PFKL: variants seen among roughly 807,000 people sequenced by gnomAD.
PFKL encodes phosphofructokinase, liver type, also known as ATP-dependent 6-phosphofructokinase, liver type.
A neutral mutation model predicts 92.1 loss-of-function variants in PFKL; 74 were observed. The ratio of observed to expected loss-of-function variants is 0.80; its 90% CI spans 0.67 to 0.97. PFKL has a LOEUF of 0.97. Ranked by LOEUF, PFKL falls within the 50% of genes least tolerant of loss-of-function variation. PFKL has a pLI of 0.00. For missense variants in PFKL, 1,028 were observed against 1,116.6 expected (o/e 0.92, Z 1.13); for synonymous variants, 494 against 456.4 (o/e 1.08, Z -1.05).
At chr21:44,323,375 G>A (rs1200690828) in intron 15 of PFKL, among the ~76,000 whole-genome samples, 2 of 152,206 alleles carry the variant, frequency 1.3e-5, no homozygotes, top group South Asian at 2.1e-4. Flanking sequence ...GCTGGAGGAC[G>A]AGAAAGAAGG....
At chr21:44,306,058 G>C (rs1293033366) in intron 1 of PFKL, 10 of 493,084 alleles carry the variant, frequency 2.0e-5, no homozygotes, top group African/African-American at 1.8e-4. Flanking sequence ...CTTCCAGCAG[G>C]TGCTTTCCTC....
In PFKL at chr21:44,323,038, G is replaced by A. The variant is rs778878644; in HGVS notation, c.1486G>A (p.Gly496Ser). ...TGGTATTCACGCCCTGCTGGTGGTC[G>A]GTGGGTTTGAGGTGAGAGCTGCCCA... is the stretch of plus-strand genomic sequence containing the variant. ...IYGIHALLVV[G>S]GFEAYEGVLQ... The change falls in exon 15 of 22, where the codon GGT becomes AGT. Residue 496 changes from glycine to serine, a missense_variant. Physicochemically the swap from Gly to Ser is moderately conservative, Grantham distance 56. Coordinates refer to ENST00000349048, the MANE Select transcript of PFKL (RefSeq NM_002626.6). 12 of 1,612,828 alleles carry A rather than the reference G, an allele frequency of 7.4e-6. No homozygotes were observed. Among genetic ancestry groups the A allele is most frequent in the South Asian group, 3.3e-5 (3 of 91,052 alleles).
At position 44,313,059 on chromosome 21, in the gene PFKL, G is replaced by A. The variant is rs900209736; in HGVS notation, c.509G>A (p.Cys170Tyr). 1 of 1,613,048 alleles carries A rather than the reference G, an allele frequency of 6.2e-7. No individual in the cohort carries two copies. The highest frequency in any genetic ancestry group is 1.3e-5 in the African/African-American group (1 of 74,912). ...GTGGGCTCCATCGATAACGACTTCT[G>A]CGGCACCGACATGACCATCGGCACG... ...GLVGSIDNDF[C>Y]GTDMTIGTDS... is the part of the protein sequence containing the mutation. The change falls in exon 5 of 22, where the codon TGC (cysteine) becomes TAC (tyrosine). Residue 170 changes from cysteine to tyrosine, a missense_variant. Cys to Tyr is a radical substitution (Grantham distance 194). Transcript: ENST00000349048.
At position 44,319,248 on chromosome 21, in the gene PFKL, A is replaced by G. The variant is rs536242712; in HGVS notation, c.1063-103A>G. ...GCCAGGCCTGGGCCAGGGTCAGGAG[A>G]TGCCGGCCAGATCTGCCCTCGTCAG... is the stretch of plus-strand genomic sequence containing the variant. On this transcript the variant is annotated intron_variant, in intron 10 of 21. Transcript: ENST00000349048. The G allele has an allele frequency of 1.1e-5, 11 of 971,576 alleles. No homozygotes were observed. In the African/African-American group the frequency reaches 1.6e-4, roughly 14 times the overall value. 60.2% of individuals were successfully genotyped at this position (971,576 alleles called of 1,614,324 possible).
At chr21:44,323,190 T>G (rs1052460395) in intron 15 of PFKL, 141 bp downstream of exon 15, 2 of 639,574 alleles carry the variant, frequency 3.1e-6, no homozygotes, top group Non-Finnish European at 5.3e-6. Flanking sequence ...AAGTGCTGTG[T>G]GTGGGCTCGG....
intron 7 of PFKL, 99 bp from the exon 8 acceptor site, chr21:44,316,145 G>T: frequency 1.9e-6 from 2 of 1,063,286 alleles, no homozygotes; most frequent in Non-Finnish European, 2.9e-6. Flanking sequence ...CATGTGGGTT[G>T]GGAATGGTGG....
At chr21:44,308,893 G>C (rs1047035646) in intron 2 of PFKL, among the ~76,000 whole-genome samples, 1 of 152,158 alleles carries the variant, frequency 6.6e-6, no homozygotes, top group Non-Finnish European at 1.5e-5. Context: ...CAATGGGCTT[G>C]GACAGCATCT....
Position 44,326,712 on chromosome 21 carries a change from C to G in PFKL, c.2196-3C>G. ...ATCATCCTCCCATCCCCGTCCTGCA[C>G]AGGCACCGCATGCCACGGGAGCAGT... is the stretch of plus-strand genomic sequence containing the variant. On this transcript the variant is annotated splice_region_variant and splice_polypyrimidine_tract_variant and intron_variant, in intron 21 of 21. Coordinates refer to ENST00000349048, the MANE Select transcript of PFKL (RefSeq NM_002626.6). The G allele has an allele frequency of 6.2e-7, 1 of 1,611,620 alleles. No individual in the cohort carries two copies. The highest frequency in any genetic ancestry group is 8.5e-7 in the Non-Finnish European group (1 of 1,179,412).
At chr21:44,316,684 C>T (rs865960506) in intron 9 of PFKL, among the ~76,000 whole-genome samples, 160 bp downstream of exon 9, 2 of 151,364 alleles carry the variant, frequency 1.3e-5, no homozygotes, top group Admixed American at 6.6e-5. Flanking sequence ...GTGGGGGACG[C>T]GTGGTCCTTG....
chr21:44,306,966 G>T (rs1394306529), intron 2 of PFKL, among the ~76,000 whole-genome samples: 1 of 152,208 alleles, frequency 6.6e-6, no homozygotes, highest in Non-Finnish European at 1.5e-5. Context: ...ACTCAGCCCG[G>T]CTGGAGGCTC....
In PFKL at chr21:44,312,236, A is replaced by T; in HGVS notation, c.369A>T (p.Thr123=). 6.2e-7 allele frequency: 1 copy of T among 1,600,418 alleles called. No homozygotes were observed. Among genetic ancestry groups the T allele is most frequent in the South Asian group, 1.1e-5 (1 of 88,980 alleles). Residue 123 remains threonine (T), a synonymous_variant, in exon 4 of 22, where the codon ACA becomes ACT. Coordinates refer to ENST00000349048, the MANE Select transcript of PFKL (RefSeq NM_002626.6). ...LCVIGGDGSL[T]GANIFRSEWG... ...TCATCGGCGGGGATGGCAGCCTCAC[A>T]GGTGCCAACATCTTCCGCAGCGAGT...
At chr21:44,326,334 T>C in intron 21 of PFKL, 70 bp downstream of exon 21, 1 of 1,184,058 alleles carries the variant, frequency 8.4e-7, no homozygotes, top group South Asian at 1.3e-5. Flanking sequence ...CTGAGGCAGG[T>C]GTGCCAGGCC....
chr21:44,325,207 A>G lies in PFKL; in HGVS notation c.1932A>G (p.Ser644=), dbSNP rs2047469242. Residue 644 remains serine, a synonymous_variant, in exon 19 of 22, where the codon TCA becomes TCG. Coordinates refer to ENST00000349048, the MANE Select transcript of PFKL (RefSeq NM_002626.6). ...CGGAGTTCCTGTACAACCTGTACTC[A>G]TCAGAGGGCAAGGGCGTCTTCGACT... ...YTTEFLYNLY[S]SEGKGVFDCR... is the part of the protein sequence containing the mutation. 1 of 1,613,182 alleles carries G rather than the reference A, an allele frequency of 6.2e-7. No homozygotes were observed. Among genetic ancestry groups the G allele is most frequent in the African/African-American group, 1.3e-5 (1 of 74,918 alleles).
Position 44,323,907 on chromosome 21 carries a change from G to C in PFKL, c.1639G>C (p.Ala547Pro). The C allele has an allele frequency of 6.2e-7, 1 of 1,613,416 alleles. No homozygotes were observed. ...FSLGSDTAVNAAMESCDRIKQ... is the reference protein window; with the variant it reads ...FSLGSDTAVNPAMESCDRIKQ... ...CCTGGGCTCCGACACTGCTGTAAAT[G>C]CCGCCATGGAGGTACGGGGCTCCTG... Residue 547 changes from alanine (A) to proline (P), a missense_variant, in exon 16 of 22, where the codon GCC (alanine) becomes CCC (proline). Coordinates refer to ENST00000349048, the MANE Select transcript of PFKL (RefSeq NM_002626.6).
chr21:44,326,690 A>C (rs746757133), intron 21 of PFKL, 25 bp from the exon 22 acceptor site: 1 of 1,609,002 alleles, frequency 6.2e-7, no homozygotes, highest in East Asian at 2.2e-5. Flanking sequence ...ACTCCCCATC[A>C]TCCTCCCATC....
intron 19 of PFKL, chr21:44,325,478 G>C (rs963124266): frequency 3.4e-5 from 20 of 582,984 alleles, no homozygotes; most frequent in Admixed American, 1.2e-4. Flanking sequence ...GCCGGGGCCC[G>C]AGCCAGGGCA....
At chr21:44,306,603 CT>C (rs1233598203) in intron 1 of PFKL, 77 bp from the exon 2 acceptor site, 15 of 1,312,818 alleles carry the variant, frequency 1.1e-5, no homozygotes, top group East Asian at 5.0e-5. Context: ...CCCCTACCCC[CT>C]GTCCTCTGAG....
At position 44,313,848 on chromosome 21, in the gene PFKL, G is replaced by A. The variant is rs530493955; in HGVS notation, c.639-65G>A. 7.8e-6 allele frequency: 11 copies of A among 1,407,836 alleles called. No homozygotes were observed. The South Asian group carries it at 1.1e-4, about 14-fold the overall frequency. 87.2% of individuals were successfully genotyped at this position (1,407,836 alleles called of 1,614,324 possible). A position where few individuals can be genotyped will look rare whatever the true frequency, so the allele number is the denominator to read the frequency against. On this transcript the variant is annotated intron_variant, in intron 6 of 21. Coordinates refer to ENST00000349048, the MANE Select transcript of PFKL (RefSeq NM_002626.6). ...CTGTGGCCCAGAGTCGGACCTCTGG[G>A]TACAGGGAAGCTCCCCTCAACGGCT...
Position 44,301,102 on chromosome 21 carries a change from C to G in PFKL, c.85+912C>G, listed in dbSNP as rs557212383. ...CAGAAAATGGTTGAGAAAATGCGGA[C>G]ACACACCCCCACCCAGCTTCAGGCA... is the stretch of plus-strand genomic sequence containing the variant. On this transcript the variant is annotated intron_variant, in intron 1 of 21. Coordinates refer to ENST00000349048, the MANE Select transcript of PFKL (RefSeq NM_002626.6). Among the ~76,000 whole-genome samples the G allele has an allele frequency of 4.5e-4, 68 of 152,322 alleles. 2 individuals carry two copies. The South Asian group carries it at 0.014, about 32-fold the overall frequency.
Sources: allele counts gnomAD v4.1 joint callset (sites outside exome capture counted in the v4.1 genomes callset), GRCh38; gene constraint gnomAD v4.1.1; transcripts MANE v1.5; gene names NCBI Gene and HGNC (gene_info 2026-07-23, HGNC 2026-07-21).